PARD3: variants seen among roughly 807,000 people sequenced by gnomAD.
The protein encoded by PARD3 is partitioning defective 3 homolog.
A neutral mutation model predicts 155.4 loss-of-function variants in PARD3; 75 were observed. The ratio of observed to expected loss-of-function variants is 0.48; its 90% confidence interval spans 0.40 to 0.58. The LOEUF (loss-of-function observed/expected upper bound fraction) is 0.58, where lower values mean the gene tolerates loss of function less well. PARD3 is among the 20% of genes least tolerant of loss of function. The pLI, the probability that PARD3 is intolerant of heterozygous loss-of-function variation, is 0.00. For missense variants in PARD3, 1,642 were observed against 1,721.7 expected (o/e 0.95, Z 0.82); for synonymous variants, 576 against 610.5 (o/e 0.94, Z 0.83).
chr10:34,188,721 CTATA>C (rs1950583521), intron 22 of PARD3, among the ~76,000 whole-genome samples: 1 of 151,818 alleles, frequency 6.6e-6, no homozygotes, highest in African/African-American at 2.4e-5. Context: ...CATAATCATC[CTATA>C]TTCATATGGC....
intron 14 of PARD3, among the ~76,000 whole-genome samples, chr10:34,349,580 TAAAAAAAA>T: frequency 4.5e-5 from 2 of 44,708 alleles, no homozygotes; most frequent in African/African-American, 2.3e-4. Flanking sequence ...TCTGGGAAAG[TAAAAAAAA>T]AAAAAAAAAA....
intron 4 of PARD3, among the ~76,000 whole-genome samples, chr10:34,463,556 T>A (rs539227723): frequency 4.6e-5 from 7 of 152,322 alleles, no homozygotes; most frequent in Admixed American, 4.6e-4. Flanking sequence ...GTAGGACTTT[T>A]AAAAGACTCA....
intron 3 of PARD3, among the ~76,000 whole-genome samples, chr10:34,504,950 C>CA (rs1214909826): frequency 1.3e-5 from 2 of 152,056 alleles, no homozygotes; most frequent in African/African-American, 4.8e-5. Context: ...TTCATGCTGA[C>CA]AAAATAATCC....
chr10:34,759,126 GA>G (rs569219276), intron 1 of PARD3, among the ~76,000 whole-genome samples: 9 of 147,128 alleles, frequency 6.1e-5, no homozygotes, highest in South Asian at 2.1e-4. Flanking sequence ...AAGAAAAAAA[GA>G]AAAAAAAACT....
At chr10:34,344,756 G>C (rs1435194180) in intron 15 of PARD3, 11 of 985,312 alleles carry the variant, frequency 1.1e-5, no homozygotes, top group Non-Finnish European at 1.1e-5. Context: ...AGAGATGACA[G>C]AGAAATCTTG....
At chr10:34,550,239 T>G (rs1214994108) in intron 2 of PARD3, among the ~76,000 whole-genome samples, 2 of 152,194 alleles carry the variant, frequency 1.3e-5, no homozygotes, top group Non-Finnish European at 2.9e-5. Flanking sequence ...CTTTTATCTT[T>G]GAGACAGGAT....
intron 22 of PARD3, among the ~76,000 whole-genome samples, chr10:34,240,209 C>T (rs1382627795): frequency 1.3e-5 from 2 of 152,148 alleles, no homozygotes; most frequent in East Asian, 1.9e-4. Context: ...AAAATGTTCT[C>T]GTAAGAGAAT....
chr10:34,188,551 C>T (rs1476047899), intron 22 of PARD3, among the ~76,000 whole-genome samples: 1 of 152,052 alleles, frequency 6.6e-6, no homozygotes, highest in African/African-American at 2.4e-5. Flanking sequence ...ACAAGCTTTA[C>T]GTACACCGAC....
intron 2 of PARD3, among the ~76,000 whole-genome samples, chr10:34,634,455 A>G (rs1471218333): frequency 1.3e-5 from 2 of 152,118 alleles, no homozygotes; most frequent in Non-Finnish European, 2.9e-5. Flanking sequence ...GGACATTTTT[A>G]TTTATTTTCC....
intron 20 of PARD3, among the ~76,000 whole-genome samples, chr10:34,290,911 C>G (rs1038766114): frequency 1.3e-5 from 2 of 152,212 alleles, no homozygotes; most frequent in Admixed American, 1.3e-4. Flanking sequence ...CAATCCAGTT[C>G]TCTGCATAGT....
chr10:34,168,847 C>CA (rs1949657643), intron 22 of PARD3, among the ~76,000 whole-genome samples: 1 of 152,212 alleles, frequency 6.6e-6, no homozygotes, highest in Admixed American at 6.5e-5. Flanking sequence ...TTATGCCATA[C>CA]AAAATCCTCT....
In PARD3 at chr10:34,417,493, T is replaced by C. The variant is rs1845784407; in HGVS notation, c.715-15576A>G. Among the ~76,000 whole-genome samples, 3 of 152,302 alleles carry C rather than the reference T, an allele frequency of 2.0e-5. No individual in the cohort carries two copies. In the South Asian group the frequency reaches 6.2e-4, roughly 32 times the overall value. ...AACATTGTGTCTCCTCTCTAATGAT[T>C]TTTTCTTATTTTTGAATCATTATGA... is the stretch of plus-strand genomic sequence containing the variant. On this transcript the variant is annotated intron_variant, in intron 5 of 24. Coordinates refer to ENST00000374788, the MANE Select transcript of PARD3 (RefSeq NM_001184785.2).
At chr10:34,571,556 G>C (rs2086408341) in intron 2 of PARD3, among the ~76,000 whole-genome samples, 1 of 152,086 alleles carries the variant, frequency 6.6e-6, no homozygotes, top group African/African-American at 2.4e-5. Context: ...AAGTCACAAG[G>C]CTTCCTCTTC....
In PARD3 at chr10:34,494,268, G is replaced by A. The variant is rs886827566; in HGVS notation, c.403+22711C>T. ...AAAGAGAAGTTTTACCAGACAAAGG[G>A]AAAAGAGAGTGCCTAGAGTTAAGCA... On this transcript the variant is annotated intron_variant, in intron 3 of 24. Coordinates refer to ENST00000374788, the MANE Select transcript of PARD3 (RefSeq NM_001184785.2). Among the ~76,000 whole-genome samples, 9 of 152,198 alleles carry A rather than the reference G, an allele frequency of 5.9e-5. No individual in the cohort carries two copies. In the South Asian group the frequency reaches 1.9e-3, roughly 32 times the overall value.
At position 34,110,280 on chromosome 10, in the gene PARD3, G is replaced by C. The variant is rs947172356; in HGVS notation, c.*889C>G. Reference sequence around the variant, plus strand: ...CATTCTGTGCCCTTCCTGACAAGCTGTCAGAACAAAAACTAATTAAAATAA... The same window carrying C: ...CATTCTGTGCCCTTCCTGACAAGCTCTCAGAACAAAAACTAATTAAAATAA... On this transcript the variant is annotated 3_prime_UTR_variant, in exon 25 of 25. Transcript: ENST00000374788. 2.2e-4 allele frequency: 34 copies of C among 152,274 alleles called. No individual in the cohort carries two copies. The highest frequency in any genetic ancestry group is 7.5e-4 in the African/African-American group (31 of 41,532). 9.4% of individuals were successfully genotyped at this position (152,274 alleles called of 1,614,324 possible).
At chr10:34,304,795 G>C (rs539593177) in intron 20 of PARD3, among the ~76,000 whole-genome samples, 2 of 152,326 alleles carry the variant, frequency 1.3e-5, no homozygotes, top group East Asian at 3.9e-4. Context: ...AATGTTCTCT[G>C]CAGTGTCCAC....
chr10:34,669,012 G>A (rs1489363926), intron 2 of PARD3, among the ~76,000 whole-genome samples: 2 of 152,138 alleles, frequency 1.3e-5, no homozygotes, highest in Admixed American at 1.3e-4. Flanking sequence ...AAACAGGTGG[G>A]AATGTAAATT....
chr10:34,520,568 G>C (rs995052444), intron 2 of PARD3, among the ~76,000 whole-genome samples: 1 of 152,138 alleles, frequency 6.6e-6, no homozygotes, highest in Non-Finnish European at 1.5e-5. Context: ...AGGGGTCAAT[G>C]GGCAAACTTT....
At chr10:34,430,677 C>A (rs774666381) in intron 5 of PARD3, among the ~76,000 whole-genome samples, 4 of 152,070 alleles carry the variant, frequency 2.6e-5, no homozygotes, top group Non-Finnish European at 5.9e-5. Context: ...CTAAAAGAAA[C>A]AGAAATTTTA....
Sources: gnomAD v4.1 joint callset for allele counts (sites outside exome capture counted in the v4.1 genomes callset) on GRCh38, gnomAD v4.1.1 for gene constraint, MANE v1.5 for transcripts, NCBI Gene and HGNC (gene_info 2026-07-23, HGNC 2026-07-21) for gene names.